The following RNF17 variants were observed in gnomAD, a reference collection of about 807,000 sequenced individuals.
RNF17 encodes the protein ring finger protein 17.
In RNF17, 31 loss-of-function variants were observed where a neutral mutation model predicts 200.5. The observed-to-expected ratio is 0.15, with a 90% CI of 0.12 to 0.21. The LOEUF (loss-of-function observed/expected upper bound fraction) is 0.21, where lower values mean the gene tolerates loss of function less well. Among genes scored for constraint, RNF17 ranks in the 10% least tolerant of loss-of-function variants. RNF17 has a pLI of 1.00. For missense variants in RNF17, 1,628 were observed against 1,905.1 expected (o/e 0.85, Z 2.71); for synonymous variants, 606 against 637.8 (o/e 0.95, Z 0.75).
At chr13:24,800,919 A>G (rs1885176378) in intron 13 of RNF17, among the ~76,000 whole-genome samples, 1 of 152,184 alleles carries the variant, frequency 6.6e-6, no homozygotes. Flanking sequence ...ATTATTTATG[A>G]AAATCTATTC....
chr13:24,841,874 G>A (rs1244672462), intron 18 of RNF17, among the ~76,000 whole-genome samples, 167 bp from the exon 19 acceptor site: 1 of 152,036 alleles, frequency 6.6e-6, no homozygotes, highest in Non-Finnish European at 1.5e-5. Context: ...GCTCAGGCAG[G>A]AGAATCACTT....
intron 33 of RNF17, among the ~76,000 whole-genome samples, chr13:24,875,878 A>T (rs1389779565): frequency 6.6e-6 from 1 of 152,248 alleles, no homozygotes; most frequent in Admixed American, 6.5e-5. Flanking sequence ...TGAGAAAGTT[A>T]GCGGAAGCTT....
At chr13:24,852,531 C>T (rs1426442010) in intron 24 of RNF17, among the ~76,000 whole-genome samples, 1 of 152,010 alleles carries the variant, frequency 6.6e-6, no homozygotes, top group Non-Finnish European at 1.5e-5. Context: ...GCCAGATCTC[C>T]GTAGATGTGT....
chr13:24,749,391 C>G, the RNF17 span, among the ~76,000 whole-genome samples: 1 of 145,784 alleles, frequency 6.9e-6, no homozygotes, highest in African/African-American at 2.5e-5. Context: ...TGCAACCTCC[C>G]CTCCCGGGTT....
At chr13:24,835,691 T>C (rs1286109186) in intron 18 of RNF17, among the ~76,000 whole-genome samples, 1 of 152,192 alleles carries the variant, frequency 6.6e-6, no homozygotes. Flanking sequence ...GCCCTAGACC[T>C]TCCCTCTGAC....
At chr13:24,842,622 C>CTAGTGGT (rs1346102133) in intron 19 of RNF17, among the ~76,000 whole-genome samples, 15 of 152,186 alleles carry the variant, frequency 9.9e-5, no homozygotes, top group Non-Finnish European at 1.5e-5. Context: ...CCAGGACAGG[C>CTAGTGGT]TAGTGGTTAG....
chr13:24,850,236 T>A, intron 22 of RNF17, 105 bp from the exon 23 acceptor site: 1 of 594,622 alleles, frequency 1.7e-6, no homozygotes. Context: ...TACATATAGT[T>A]GGTTCAAACT....
In RNF17 at chr13:24,874,196, T is replaced by G. The variant is rs1894610709; in HGVS notation, c.4530T>G (p.Ser1510=). 2 of 1,610,982 alleles carry G rather than the reference T, an allele frequency of 1.2e-6. No individual in the cohort carries two copies. Among genetic ancestry groups the G allele is most frequent in the East Asian group, 4.5e-5 (2 of 44,732 alleles). Residue 1510 remains serine (S), a synonymous_variant, in exon 33 of 36, where the codon TCT becomes TCG. Transcript: ENST00000255324. ...CCATTAAAGAATTTAATCCTTTATC[T>G]ATCTTAGTACAATTTGTTGATTATG... ...IVAIKEFNPL[S]ILVQFVDYGS...
intron 16 of RNF17, among the ~76,000 whole-genome samples, chr13:24,829,743 T>C (rs538629429): frequency 1.5e-4 from 23 of 152,348 alleles, no homozygotes; most frequent in Admixed American, 7.2e-4. Context: ...AAAAGGTTAG[T>C]GTGTGATACG....
At chr13:24,767,713 A>G (rs1593199820) in intron 2 of RNF17, among the ~76,000 whole-genome samples, 1 of 148,022 alleles carries the variant, frequency 6.8e-6, no homozygotes, top group South Asian at 2.1e-4. Flanking sequence ...GCACCACTGC[A>G]CTCCAGTCTG....
At chr13:24,755,115 T>G in the RNF17 span, among the ~76,000 whole-genome samples, 1 of 152,202 alleles carries the variant, frequency 6.6e-6, no homozygotes. Context: ...ATTGATATAC[T>G]GTGATCTAAG....
chr13:24,863,295 TGA>T (rs755864461), intron 28 of RNF17, among the ~76,000 whole-genome samples: 1 of 152,054 alleles, frequency 6.6e-6, no homozygotes, highest in Non-Finnish European at 1.5e-5. Context: ...TTAGAGATGG[TGA>T]GAATTGAGGT....
chr13:24,866,455 C>A (rs1386193698), intron 30 of RNF17, among the ~76,000 whole-genome samples: 5 of 152,226 alleles, frequency 3.3e-5, no homozygotes, highest in Admixed American at 2.6e-4. Flanking sequence ...TCTTCCTTCC[C>A]TAGCTTCATG....
chr13:24,819,646 GCT>G (rs746863719), intron 15 of RNF17, among the ~76,000 whole-genome samples: 2 of 152,130 alleles, frequency 1.3e-5, no homozygotes, highest in Admixed American at 6.5e-5. Context: ...CTTCTCTGCA[GCT>G]CTCTTTTTCC....
At chr13:24,876,957 C>G (rs1157210237) in intron 33 of RNF17, 40 bp from the exon 34 acceptor site, 11 of 1,492,062 alleles carry the variant, frequency 7.4e-6, no homozygotes, top group Non-Finnish European at 1.0e-5. Flanking sequence ...ATAGTTTCAG[C>G]CGGAAGAGAA....
Position 24,815,428 on chromosome 13 carries a change from G to GGTGTGTGT in RNF17, c.2092-10152_2092-10145dup, listed in dbSNP as rs60054136. ...TGAATTAATTTGGTAGCCCTAACGG[G>GGTGTGTGT]GTGTGTGTGTGTGTGTGTGTGTGTG... is the stretch of plus-strand genomic sequence containing the variant. On this transcript the variant is annotated intron_variant, in intron 15 of 35. Transcript: ENST00000255324. Among the ~76,000 whole-genome samples, 297 of 144,182 alleles carry GGTGTGTGT rather than the reference G, an allele frequency of 2.1e-3. 1 individual carries two copies. Among genetic ancestry groups the GGTGTGTGT allele is most frequent in the African/African-American group, 3.8e-3 (147 of 38,554 alleles). 94.6% of individuals were successfully genotyped at this position (144,182 alleles called of 152,430 possible). A position where few individuals can be genotyped will look rare whatever the true frequency, so the allele number is the denominator to read the frequency against.
At chr13:24,861,205 TC>T in intron 26 of RNF17, 62 bp from the exon 27 acceptor site, 1 of 1,392,696 alleles carries the variant, frequency 7.2e-7, no homozygotes, top group African/African-American at 1.5e-5. Context: ...AACAGGAAAT[TC>T]CTTTTGTCCC....
intron 22 of RNF17, among the ~76,000 whole-genome samples, chr13:24,847,377 C>T (rs1379597310): frequency 6.7e-6 from 1 of 150,370 alleles, no homozygotes; most frequent in Non-Finnish European, 1.5e-5. Context: ...ACAGAGTCTC[C>T]CTCTGTTGCC....
At chr13:24,824,423 G>A in intron 15 of RNF17, 2 of 377,282 alleles carry the variant, frequency 5.3e-6, no homozygotes, top group Non-Finnish European at 9.4e-6. Context: ...AACAAGATAA[G>A]GATTCAGAAA....
Sources: allele counts gnomAD v4.1 joint callset (sites outside exome capture counted in the v4.1 genomes callset), GRCh38; gene constraint gnomAD v4.1.1; transcripts MANE v1.5; gene names NCBI Gene and HGNC (gene_info 2026-07-23, HGNC 2026-07-21).